CAMTA1: variants seen among roughly 807,000 people sequenced by gnomAD.
CAMTA1 encodes calmodulin-binding transcription activator 1.
A neutral mutation model predicts 170.9 loss-of-function variants in CAMTA1; 27 were observed. That is an observed-to-expected ratio of 0.16 (90% CI 0.12 to 0.22). The LOEUF (loss-of-function observed/expected upper bound fraction) is 0.22. Ranked by LOEUF, CAMTA1 falls within the 10% of genes least tolerant of loss-of-function variation. CAMTA1 has a pLI of 1.00. For missense variants in CAMTA1, 1,619 were observed against 2,217.2 expected, an observed-to-expected ratio of 0.73 and a Z score of 5.42; for synonymous variants, 833 against 891.5, an observed-to-expected ratio of 0.93 and a Z score of 1.17.
At chr1:7,284,177 C>CTTCTTCTTCTTCTTATTA (rs1333698169) in intron 5 of CAMTA1, among the ~76,000 whole-genome samples, 3 of 99,308 alleles carry the variant, frequency 3.0e-5, no homozygotes, top group South Asian at 7.4e-4. Flanking sequence ...TCTTCTTCTT[C>CTTCTTCTTCTTCTTATTA]TTATTATTAT....
rs2092320000 is a variant in CAMTA1, at chr1:7,435,573, G to A, written c.439-32257G>A. Among the ~76,000 whole-genome samples, 1 of 152,230 alleles carries A rather than the reference G, an allele frequency of 6.6e-6. No homozygotes were observed. Among genetic ancestry groups the A allele is most frequent in the African/African-American group, 2.4e-5 (1 of 41,450 alleles). On this transcript the variant is annotated intron_variant, in intron 5 of 22. Transcript: ENST00000303635. The surrounding 1 kb of genome is among the most constrained non-coding windows in gnomAD (Gnocchi z 4.4). ...GGTTCTCAGCCTGGTTCACTGTGGTGGCAGTGGAGCGCAGTCCCCATGCTT... is the reference window on the plus strand; with the variant it reads ...GGTTCTCAGCCTGGTTCACTGTGGTAGCAGTGGAGCGCAGTCCCCATGCTT...
chr1:6,858,947 A>G (rs1368906061), intron 3 of CAMTA1, among the ~76,000 whole-genome samples: 1 of 152,236 alleles, frequency 6.6e-6, no homozygotes, highest in Non-Finnish European at 1.5e-5. Context: ...GGAACATACA[A>G]ATCATTATGT....
At chr1:7,507,708 C>T (rs12565334) in intron 6 of CAMTA1, among the ~76,000 whole-genome samples, 21,445 of 152,246 alleles carry the variant, frequency 0.14, 1,583 homozygotes, top group East Asian at 0.19. Flanking sequence ...CCAGGGGCCT[C>T]TCCAGTCTGC....
At chr1:7,395,089 T>C (rs571014516) in intron 5 of CAMTA1, among the ~76,000 whole-genome samples, 117 of 152,144 alleles carry the variant, frequency 7.7e-4, no homozygotes, top group African/African-American at 2.7e-3. Context: ...CACCATGTTG[T>C]CCAGGCTGGT....
chr1:6,897,830 C>G (rs1191938393), intron 3 of CAMTA1, among the ~76,000 whole-genome samples: 2 of 152,186 alleles, frequency 1.3e-5, no homozygotes, highest in African/African-American at 2.4e-5. Context: ...AAAGTATCCA[C>G]TTACTATTGT....
At chr1:7,612,745 G>T (rs2095532229) in intron 6 of CAMTA1, among the ~76,000 whole-genome samples, 1 of 152,240 alleles carries the variant, frequency 6.6e-6, no homozygotes, top group South Asian at 2.1e-4. Context: ...CAGAGACAGG[G>T]CTCTAAGCAA....
In CAMTA1 at chr1:7,609,993, G is replaced by C. The variant is rs1265874936; in HGVS notation, c.511-30407G>C. Among the ~76,000 whole-genome samples, 2 of 152,198 alleles carry C rather than the reference G, an allele frequency of 1.3e-5. No homozygotes were observed. The highest frequency in any genetic ancestry group is 4.8e-5 in the African/African-American group (2 of 41,444). ...CTGAAATACAGCACCTGCCGGGTCTGTCCACACTGTGTGTGCACTCACAGG... is the reference window on the plus strand; with the variant it reads ...CTGAAATACAGCACCTGCCGGGTCTCTCCACACTGTGTGTGCACTCACAGG... On this transcript the variant is annotated intron_variant, in intron 6 of 22. Coordinates refer to ENST00000303635, the MANE Select transcript of CAMTA1 (RefSeq NM_015215.4). The surrounding 1 kb of genome is among the most constrained non-coding windows in gnomAD (Gnocchi z 4.4).
intron 4 of CAMTA1, among the ~76,000 whole-genome samples, chr1:7,171,105 G>C (rs1442513147): frequency 2.6e-5 from 4 of 152,172 alleles, no homozygotes; most frequent in African/African-American, 9.7e-5. Context: ...CTTCCCTTCA[G>C]AGCTTTCCTT....
chr1:7,603,497 A>G (rs1458570212), intron 6 of CAMTA1, among the ~76,000 whole-genome samples: 1 of 152,114 alleles, frequency 6.6e-6, no homozygotes, highest in Admixed American at 6.5e-5. Context: ...AGAGACTAGG[A>G]TTGCAACCCC....
At chr1:7,018,441 T>G (rs141117867) in intron 3 of CAMTA1, among the ~76,000 whole-genome samples, 9 of 152,218 alleles carry the variant, frequency 5.9e-5, no homozygotes, top group Non-Finnish European at 8.8e-5. Context: ...GCCATCATCT[T>G]TACCCCCAGA....
intron 6 of CAMTA1, among the ~76,000 whole-genome samples, chr1:7,554,832 A>C (rs1157844489): frequency 6.6e-6 from 1 of 152,094 alleles, no homozygotes; most frequent in African/African-American, 2.4e-5. Flanking sequence ...ATGCCAAAAA[A>C]AGAAGCCAGA....
chr1:7,038,781 T>C (rs1704006157), intron 3 of CAMTA1, among the ~76,000 whole-genome samples: 2 of 152,382 alleles, frequency 1.3e-5, no homozygotes, highest in Non-Finnish European at 2.9e-5. Flanking sequence ...GGCTCACGCC[T>C]GTAATCCCAG....
rs184950287 is a variant in CAMTA1, at chr1:6,973,798, C to T, written c.235-117506C>T. Among the ~76,000 whole-genome samples the T allele has an allele frequency of 4.2e-3, 634 of 152,274 alleles. 4 individuals carry two copies. Among genetic ancestry groups the T allele is most frequent in the African/African-American group, 0.014 (592 of 41,548 alleles). ...CTTGGTCCCATGGCTGTTCATGTGG[C>T]CCTGAGAGCGAATGAAAGTATCGCC... On this transcript the variant is annotated intron_variant, in intron 3 of 22. Coordinates refer to ENST00000303635, the MANE Select transcript of CAMTA1 (RefSeq NM_015215.4).
intron 3 of CAMTA1, among the ~76,000 whole-genome samples, chr1:6,932,345 A>G (rs936116677): frequency 6.6e-6 from 1 of 152,198 alleles, no homozygotes; most frequent in Non-Finnish European, 1.5e-5. Flanking sequence ...TGTTGTGTGT[A>G]TCAGTAATTC....
In CAMTA1 at chr1:7,314,761, A is replaced by G. The variant is rs556648640; in HGVS notation, c.438+65135A>G. Among the ~76,000 whole-genome samples the G allele has an allele frequency of 5.3e-5, 8 of 152,336 alleles. No individual in the cohort carries two copies. In the South Asian group the frequency reaches 1.7e-3, roughly 32 times the overall value. On this transcript the variant is annotated intron_variant, in intron 5 of 22. Coordinates refer to ENST00000303635, the MANE Select transcript of CAMTA1 (RefSeq NM_015215.4). ...TCTTTCACATTTCTGACAGTTACAG[A>G]GTTCCCCCTCTGGAACATAAAGTCT...
At chr1:6,867,931 C>G (rs1667158739) in intron 3 of CAMTA1, among the ~76,000 whole-genome samples, 1 of 152,024 alleles carries the variant, frequency 6.6e-6, no homozygotes, top group African/African-American at 2.4e-5. Context: ...CCTCAGCCTC[C>G]TAAGTAGCTG....
At chr1:7,530,404 G>A (rs1437958381) in intron 6 of CAMTA1, among the ~76,000 whole-genome samples, 1 of 152,214 alleles carries the variant, frequency 6.6e-6, no homozygotes, top group African/African-American at 2.4e-5. Context: ...TCGAGGCAGA[G>A]CGGCACTCTG....
At chr1:6,961,642 G>A (rs1301632957) in intron 3 of CAMTA1, among the ~76,000 whole-genome samples, 1 of 152,142 alleles carries the variant, frequency 6.6e-6, no homozygotes, top group Non-Finnish European at 1.5e-5. Context: ...GCTTCTGAAA[G>A]GAATATTCAC....
chr1:7,672,895 C>T (rs2096073128), intron 10 of CAMTA1, among the ~76,000 whole-genome samples: 1 of 152,144 alleles, frequency 6.6e-6, no homozygotes, highest in African/African-American at 2.4e-5. Context: ...CCCTCCCAGC[C>T]CCCACCTGCC....
Sources: allele counts gnomAD v4.1 joint callset (sites outside exome capture counted in the v4.1 genomes callset), GRCh38; gene constraint gnomAD v4.1.1; non-coding constraint Gnocchi (gnomAD v3.1); transcripts MANE v1.5; gene names NCBI Gene and HGNC (gene_info 2026-07-23, HGNC 2026-07-21).